The following WARS2 variants were observed in gnomAD, a reference collection of about 807,000 sequenced individuals.
WARS2 encodes the protein tryptophanyl tRNA synthetase 2, mitochondrial, also known as tryptophan--tRNA ligase, mitochondrial.
In WARS2, 28 loss-of-function variants were observed where a neutral mutation model predicts 36.5. That is an observed-to-expected ratio of 0.77 (90% CI 0.57 to 1.05). WARS2 has a LOEUF of 1.05. WARS2 is among the 50% of genes least tolerant of loss of function. WARS2 has a pLI of 0.00. For missense variants in WARS2, 435 were observed against 456.8 expected, an observed-to-expected ratio of 0.95 and a Z score of 0.44; for synonymous variants, 174 against 178.4, an observed-to-expected ratio of 0.98 and a Z score of 0.20.
intron 2 of WARS2, among the ~76,000 whole-genome samples, chr1:119,047,824 G>T (rs1348533979): frequency 6.6e-6 from 1 of 152,130 alleles, no homozygotes; most frequent in Non-Finnish European, 1.5e-5. Context: ...ACAAAGGCAT[G>T]GACAATAAAG....
intron 1 of WARS2, among the ~76,000 whole-genome samples, chr1:119,079,636 G>A (rs775825823): frequency 6.6e-4 from 100 of 152,124 alleles, no homozygotes; most frequent in Non-Finnish European, 1.3e-3. Flanking sequence ...ATATGTGAGT[G>A]CCAAGGTTAC....
intron 1 of WARS2, among the ~76,000 whole-genome samples, chr1:119,103,996 T>C (rs1654062357): frequency 6.6e-6 from 1 of 151,090 alleles, no homozygotes; most frequent in Non-Finnish European, 1.5e-5. Flanking sequence ...AAATATATTT[T>C]TAAATAGAGA....
chr1:119,133,138 CT>C, intron 1 of WARS2, among the ~76,000 whole-genome samples: 1 of 152,296 alleles, frequency 6.6e-6, no homozygotes, highest in East Asian at 1.9e-4. Context: ...CTACATGCAC[CT>C]TGGGACTCAT....
At chr1:119,067,641 G>A (rs1018789602) in intron 2 of WARS2, among the ~76,000 whole-genome samples, 1 of 152,174 alleles carries the variant, frequency 6.6e-6, no homozygotes, top group Non-Finnish European at 1.5e-5. Context: ...TAGTGGAGGA[G>A]GGTGATAGAA....
chr1:119,054,797 A>G (rs1649637967), intron 2 of WARS2, among the ~76,000 whole-genome samples: 1 of 152,238 alleles, frequency 6.6e-6, no homozygotes, highest in African/African-American at 2.4e-5. Flanking sequence ...TAAACCAGCC[A>G]CAAAAAGACC....
chr1:119,034,137 T>G lies in WARS2; in HGVS notation c.592A>C (p.Lys198Gln), dbSNP rs1647679982. ...ACTGGAAAGAACTCCCCATACTTCT[T>G]GTTGAAACCTTGTGCTAGATCCTGA... ...LVQDLAQGFN[K>Q]KYGEFFPVPE... Residue 198 changes from lysine to glutamine, a missense_variant, in exon 5 of 6, where the codon AAG (lysine) becomes CAG (glutamine). Lys to Gln is a moderately conservative substitution (Grantham distance 53, BLOSUM62 1). Transcript: ENST00000235521. 1 of 1,614,098 alleles carries G rather than the reference T, an allele frequency of 6.2e-7. No individual in the cohort carries two copies. Among genetic ancestry groups the G allele is most frequent in the Admixed American group, 1.7e-5 (1 of 60,030 alleles).
At chr1:119,033,572 A>G (rs1012481491) in intron 5 of WARS2, among the ~76,000 whole-genome samples, 2 of 152,222 alleles carry the variant, frequency 1.3e-5, no homozygotes, top group Admixed American at 1.3e-4. Flanking sequence ...AGTATTCAAT[A>G]AATTACATGA....
At chr1:119,103,811 A>C (rs1404347535) in intron 1 of WARS2, among the ~76,000 whole-genome samples, 13 of 151,914 alleles carry the variant, frequency 8.6e-5, no homozygotes, top group Admixed American at 8.5e-4. Flanking sequence ...TACATATGTT[A>C]GGGCACATTT....
At chr1:119,115,796 C>T (rs1302860632) in intron 1 of WARS2, among the ~76,000 whole-genome samples, 1 of 152,164 alleles carries the variant, frequency 6.6e-6, no homozygotes, top group Non-Finnish European at 1.5e-5. Context: ...CACTGACACC[C>T]ATGACACTTT....
At chr1:119,055,765 A>T (rs1356760221) in intron 2 of WARS2, among the ~76,000 whole-genome samples, 1 of 151,930 alleles carries the variant, frequency 6.6e-6, no homozygotes, top group Non-Finnish European at 1.5e-5. Context: ...AAGGAAGGAA[A>T]GAAAGAATAT....
chr1:119,067,438 C>A (rs1448580650), intron 2 of WARS2, among the ~76,000 whole-genome samples: 5 of 152,192 alleles, frequency 3.3e-5, no homozygotes, highest in Non-Finnish European at 7.3e-5. Flanking sequence ...TCATCTTCAT[C>A]CTTTTATGAA....
chr1:119,094,606 T>C (rs1653283747), intron 1 of WARS2, among the ~76,000 whole-genome samples: 1 of 152,160 alleles, frequency 6.6e-6, no homozygotes, highest in African/African-American at 2.4e-5. Flanking sequence ...TTATGGGATA[T>C]ATACAGATAC....
intron 2 of WARS2, among the ~76,000 whole-genome samples, chr1:119,075,165 C>T (rs60617164): frequency 0.05 from 7,557 of 150,642 alleles, 361 homozygotes; most frequent in East Asian, 0.19. Flanking sequence ...TATATATATA[C>T]ATATATATGA....
In WARS2 at chr1:119,140,535, G is replaced by C. The variant is rs1260791684; in HGVS notation, c.90+20C>G. The C allele has an allele frequency of 6.2e-7, 1 of 1,610,284 alleles. No individual in the cohort carries two copies. Among genetic ancestry groups the C allele is most frequent in the South Asian group, 1.1e-5 (1 of 90,876 alleles). ...CTCGCGGGATGGGAAGCCGCGGAGG[G>C]AAGGGCCGTCTTTGGTTACCTGGAG... On this transcript the variant is annotated intron_variant, in intron 1 of 5. Coordinates refer to ENST00000235521, the MANE Select transcript of WARS2 (RefSeq NM_015836.4).
chr1:119,058,856 C>T (rs1221880030), intron 2 of WARS2, among the ~76,000 whole-genome samples: 5 of 148,188 alleles, frequency 3.4e-5, no homozygotes, highest in Non-Finnish European at 7.5e-5. Context: ...ATGGTATTTC[C>T]AGTTCTAGAT....
At chr1:119,085,377 T>A (rs1571337012) in intron 1 of WARS2, 1 of 1,391,280 alleles carries the variant, frequency 7.2e-7, no homozygotes, top group Non-Finnish European at 1.0e-6. Flanking sequence ...AGGGTTGTCC[T>A]CTTCCTTTAC....
rs587660031 is a variant in WARS2 at position 119,114,156 on chromosome 1, AG to A, written c.90+26398del. 4.6e-5 allele frequency among the ~76,000 whole-genome samples: 7 copies of A among 152,324 alleles called. No homozygotes were observed. The South Asian group carries it at 1.2e-3, about 27-fold the overall frequency. ...AACTCAGGTAGGAGATGGTGGGGCC[AG>A]GAAGTCTGGCTCTAGTAATGACTTG... On this transcript the variant is annotated intron_variant, in intron 1 of 5. Transcript: ENST00000235521.
chr1:119,040,406 C>T (rs1472351400), intron 4 of WARS2, among the ~76,000 whole-genome samples: 1 of 152,228 alleles, frequency 6.6e-6, no homozygotes, highest in Non-Finnish European at 1.5e-5. Context: ...TCAGAGGACT[C>T]TTCCATTACA....
At chr1:119,098,332 A>G (rs1198651131) in intron 1 of WARS2, among the ~76,000 whole-genome samples, 5 of 152,242 alleles carry the variant, frequency 3.3e-5, no homozygotes, top group Non-Finnish European at 7.3e-5. Context: ...AAGCTACCTC[A>G]TAAACTCTTT....
Sources: gnomAD v4.1 joint callset for allele counts (sites outside exome capture counted in the v4.1 genomes callset) on GRCh38, gnomAD v4.1.1 for gene constraint, MANE v1.5 for transcripts, NCBI Gene and HGNC (gene_info 2026-07-23, HGNC 2026-07-21) for gene names.